ATF7IP: variants seen among roughly 807,000 people sequenced by gnomAD.
ATF7IP encodes the protein activating transcription factor 7 interacting protein, also known as activating transcription factor 7-interacting protein 1.
Under a neutral mutation model 106.4 loss-of-function variants are expected in ATF7IP, and 23 were observed. The ratio of observed to expected loss-of-function variants is 0.22; its 90% CI spans 0.16 to 0.31. ATF7IP has a LOEUF of 0.31. Ranked by LOEUF, ATF7IP falls within the 10% of genes least tolerant of loss-of-function variation. ATF7IP has a pLI of 1.00. For missense variants in ATF7IP, 1,334 were observed against 1,524.3 expected, an observed-to-expected ratio of 0.88 and a Z score of 2.08; for synonymous variants, 542 against 539.0, an observed-to-expected ratio of 1.01 and a Z score of -0.08.
intron 7 of ATF7IP, 70 bp downstream of exon 7, chr12:14,456,704 A>G (rs1249071369): frequency 1.8e-6 from 2 of 1,122,670 alleles, no homozygotes; most frequent in Non-Finnish European, 2.7e-6. Context: ...TGGTCAAAGA[A>G]TCTTGCAGTG....
chr12:14,410,133 A>G (rs1184909440), intron 1 of ATF7IP, among the ~76,000 whole-genome samples: 2 of 152,120 alleles, frequency 1.3e-5, no homozygotes, highest in Non-Finnish European at 2.9e-5. Context: ...CTGTCTGTAT[A>G]GATATAGATT....
intron 1 of ATF7IP, among the ~76,000 whole-genome samples, chr12:14,376,585 A>C (rs1938745780): frequency 6.6e-6 from 1 of 152,230 alleles, no homozygotes. Context: ...GCTTGTCTCC[A>C]CTACCAGAAA....
At chr12:14,491,506 T>A (rs968610479) in intron 13 of ATF7IP, among the ~76,000 whole-genome samples, 3 of 152,174 alleles carry the variant, frequency 2.0e-5, no homozygotes, top group South Asian at 4.1e-4. Flanking sequence ...TTTTGCTACT[T>A]CTTGCTCACT....
At chr12:14,470,940 A>T (rs1025373312) in intron 10 of ATF7IP, among the ~76,000 whole-genome samples, 1 of 152,188 alleles carries the variant, frequency 6.6e-6, no homozygotes, top group African/African-American at 2.4e-5. Flanking sequence ...GCATTTAATG[A>T]TACACATATT....
At chr12:14,398,830 G>A (rs1424766213) in intron 1 of ATF7IP, among the ~76,000 whole-genome samples, 1 of 150,086 alleles carries the variant, frequency 6.7e-6, no homozygotes, top group Admixed American at 6.6e-5. Flanking sequence ...ACCCTTTTTT[G>A]TGGTACTATT....
intron 1 of ATF7IP, among the ~76,000 whole-genome samples, chr12:14,388,649 C>T (rs941342389): frequency 1.3e-5 from 2 of 152,124 alleles, no homozygotes; most frequent in African/African-American, 4.8e-5. Context: ...GCCCAGCCTT[C>T]TTTCTTTCTT....
chr12:14,395,052 A>G (rs1339921382), intron 1 of ATF7IP: 1 of 150,842 alleles, frequency 6.6e-6, no homozygotes, highest in Admixed American at 6.6e-5. Flanking sequence ...GATGTGAACC[A>G]CTATTTGAAA....
chr12:14,417,643 G>A (rs1158938181), intron 1 of ATF7IP, among the ~76,000 whole-genome samples: 1 of 152,068 alleles, frequency 6.6e-6, no homozygotes, highest in African/African-American at 2.4e-5. Flanking sequence ...TTATATTAAT[G>A]TATATTTCTT....
At chr12:14,402,586 A>G (rs1159272841) in intron 1 of ATF7IP, among the ~76,000 whole-genome samples, 1 of 148,476 alleles carries the variant, frequency 6.7e-6, no homozygotes, top group Non-Finnish European at 1.5e-5. Flanking sequence ...GTGTTTCTAG[A>G]TACATTTTTC....
chr12:14,370,811 C>A (rs73304237), intron 1 of ATF7IP, among the ~76,000 whole-genome samples: 307 of 151,840 alleles, frequency 2.0e-3, no homozygotes, highest in African/African-American at 6.7e-3. Context: ...AAAGTAGTAT[C>A]AGTATGAAGT....
At chr12:14,493,970 G>C (rs1432756091) in intron 13 of ATF7IP, among the ~76,000 whole-genome samples, 1 of 151,770 alleles carries the variant, frequency 6.6e-6, no homozygotes, top group Non-Finnish European at 1.5e-5. Context: ...TATGTTCCTT[G>C]GTTCTCCACA....
chr12:14,376,397 A>G (rs764718968), intron 1 of ATF7IP, among the ~76,000 whole-genome samples: 3 of 152,132 alleles, frequency 2.0e-5, no homozygotes, highest in Non-Finnish European at 2.9e-5. Context: ...GATTTGGTAT[A>G]TTTTCATGTT....
At position 14,460,514 on chromosome 12, in the gene ATF7IP, C is replaced by T. The variant is rs777797507; in HGVS notation, c.2178C>T (p.Val726=). The T allele has an allele frequency of 1.9e-6, 3 of 1,613,194 alleles. No individual in the cohort carries two copies. The African/African-American group carries it at 4.0e-5, about 22-fold the overall frequency. Residue 726 remains valine, a synonymous_variant, in exon 9 of 15, where the codon GTC becomes GTT. Coordinates refer to ENST00000261168, the MANE Select transcript of ATF7IP (RefSeq NM_018179.5). ...CTATAGTATCTTCAACCAATCTTGT[C>T]ACTCCTCCAGCAGTTGTCAGTAGTC... ...PVNTVSSTNL[V]TPPAVVSSQP...
intron 6 of ATF7IP, among the ~76,000 whole-genome samples, chr12:14,452,153 A>G (rs1047044416): frequency 2.6e-5 from 4 of 152,148 alleles, no homozygotes; most frequent in African/African-American, 7.2e-5. Flanking sequence ...ATACATAAGT[A>G]TGGCCCATCC....
At chr12:14,462,639 T>C (rs960219237) in intron 9 of ATF7IP, among the ~76,000 whole-genome samples, 2 of 152,044 alleles carry the variant, frequency 1.3e-5, no homozygotes, top group African/African-American at 4.8e-5. Context: ...CATTATTCTG[T>C]TCTCTTACAA....
chr12:14,399,771 C>T (rs1208473097), intron 1 of ATF7IP, among the ~76,000 whole-genome samples: 3 of 152,124 alleles, frequency 2.0e-5, no homozygotes, highest in Non-Finnish European at 4.4e-5. Context: ...GTTTATTCTC[C>T]TACTAATTAG....
chr12:14,484,081 A>G (rs1172915364), intron 13 of ATF7IP, among the ~76,000 whole-genome samples: 2 of 152,058 alleles, frequency 1.3e-5, no homozygotes, highest in Non-Finnish European at 1.5e-5. Flanking sequence ...AGTATAATCA[A>G]CCTGCCACCC....
chr12:14,445,486 G>A (rs1398504083), intron 5 of ATF7IP, among the ~76,000 whole-genome samples: 1 of 151,848 alleles, frequency 6.6e-6, no homozygotes, highest in Non-Finnish European at 1.5e-5. Flanking sequence ...CACTGCACCT[G>A]GCTTTCCCAT....
chr12:14,432,949 T>C (rs1942213763), intron 2 of ATF7IP, among the ~76,000 whole-genome samples: 1 of 152,184 alleles, frequency 6.6e-6, no homozygotes, highest in Non-Finnish European at 1.5e-5. Context: ...GAAGAGACAT[T>C]GATTGATTGA....
Sources: gnomAD v4.1 joint callset for allele counts (sites outside exome capture counted in the v4.1 genomes callset) on GRCh38, gnomAD v4.1.1 for gene constraint, MANE v1.5 for transcripts, NCBI Gene and HGNC (gene_info 2026-07-23, HGNC 2026-07-21) for gene names.